The following NRXN1 variants were observed in gnomAD, a reference collection of about 807,000 sequenced individuals.
The protein encoded by NRXN1 is neurexin 1, also known as neurexin-1.
NRXN1 carries 39 observed loss-of-function variants against 150.9 expected under a neutral mutation model. The observed-to-expected ratio is 0.26, with a 90% CI of 0.20 to 0.34. The LOEUF is 0.34. Ranked by LOEUF, NRXN1 falls within the 10% of genes least tolerant of loss-of-function variation. The probability of loss-of-function intolerance (pLI) is 1.00; values close to 1 mark genes in which losing one functional copy is unlikely to be tolerated. For missense variants in NRXN1, 1,815 were observed against 1,949.9 expected, an observed-to-expected ratio of 0.93 and a Z score of 1.30; for synonymous variants, 924 against 757.0, an observed-to-expected ratio of 1.22 and a Z score of -3.62.
intron 22 of NRXN1, among the ~76,000 whole-genome samples, chr2:49,933,627 A>T (rs1015063711): frequency 0.011 from 2 of 174 alleles, no homozygotes; most frequent in Non-Finnish European, 0.025. Context: ...CCTTTATCAG[A>T]AACCATGATA....
At chr2:50,833,068 A>T (rs1671639032) in intron 5 of NRXN1, among the ~76,000 whole-genome samples, 1 of 152,224 alleles carries the variant, frequency 6.6e-6, no homozygotes, top group Admixed American at 6.5e-5. Flanking sequence ...CAGGAAAAAA[A>T]GTTTAGCATT....
At chr2:49,978,791 T>C (rs1679466993) in intron 21 of NRXN1, among the ~76,000 whole-genome samples, 1 of 151,696 alleles carries the variant, frequency 6.6e-6, no homozygotes, top group Non-Finnish European at 1.5e-5. Flanking sequence ...AAACTACATG[T>C]CACAATTCTC....
intron 2 of NRXN1, among the ~76,000 whole-genome samples, chr2:51,014,744 G>A (rs1192708201): frequency 1.3e-5 from 2 of 151,928 alleles, no homozygotes; most frequent in African/African-American, 4.8e-5. Context: ...AAATCTTTCT[G>A]GGCCTTAATT....
chr2:50,067,840 A>G (rs1211263911), intron 19 of NRXN1, among the ~76,000 whole-genome samples: 1 of 152,240 alleles, frequency 6.6e-6, no homozygotes, highest in South Asian at 2.1e-4. Flanking sequence ...ATTTAAACCT[A>G]TCCGCTCTAA....
chr2:50,678,437 A>G (rs2216788), intron 5 of NRXN1, among the ~76,000 whole-genome samples: 145,902 of 152,280 alleles, frequency 0.96, 69,969 homozygotes, highest in East Asian at 1. Flanking sequence ...AATGGAAAGT[A>G]CAAAAGTTAT....
chr2:50,555,865 A>G (rs1573531431), intron 8 of NRXN1, among the ~76,000 whole-genome samples: 1 of 152,182 alleles, frequency 6.6e-6, no homozygotes, highest in South Asian at 2.1e-4. Flanking sequence ...GGGAAATTTC[A>G]TCTTCACACA....
chr2:50,450,316 G>T (rs1389548743), intron 17 of NRXN1, among the ~76,000 whole-genome samples: 2 of 151,854 alleles, frequency 1.3e-5, no homozygotes, highest in Non-Finnish European at 2.9e-5. Context: ...CACACAATGA[G>T]CACTTAAATT....
intron 5 of NRXN1, among the ~76,000 whole-genome samples, chr2:50,913,690 T>C (rs1684835383): frequency 1.3e-5 from 2 of 151,866 alleles, no homozygotes; most frequent in South Asian, 4.1e-4. Context: ...GAATAATTAA[T>C]AGAGAGTACT....
chr2:50,923,768 CTTTA>C (rs1462460321), intron 3 of NRXN1, among the ~76,000 whole-genome samples: 3 of 151,652 alleles, frequency 2.0e-5, no homozygotes, highest in Non-Finnish European at 4.4e-5. Context: ...ATATTTGAAA[CTTTA>C]TTTGAGCTAT....
intron 5 of NRXN1, among the ~76,000 whole-genome samples, chr2:50,654,825 C>T (rs942940688): frequency 1.1e-4 from 16 of 152,108 alleles, no homozygotes; most frequent in Non-Finnish European, 1.9e-4. Flanking sequence ...GCATAAATGT[C>T]TTCTTTTGAG....
chr2:50,978,642 G>T (rs1471495465), intron 2 of NRXN1, among the ~76,000 whole-genome samples: 1 of 151,916 alleles, frequency 6.6e-6, no homozygotes, highest in Admixed American at 6.6e-5. Flanking sequence ...ATGAAAGTTT[G>T]TTGCATTAAT....
chr2:51,031,116 G>A (rs1671476462), intron 1 of NRXN1, among the ~76,000 whole-genome samples: 1 of 151,856 alleles, frequency 6.6e-6, no homozygotes, highest in South Asian at 2.1e-4. Flanking sequence ...GTTCTTGGAG[G>A]AAGCTCATTG....
At chr2:51,000,418 C>T (rs564401605) in intron 2 of NRXN1, among the ~76,000 whole-genome samples, 12 of 152,030 alleles carry the variant, frequency 7.9e-5, no homozygotes, top group Non-Finnish European at 1.6e-4. Flanking sequence ...TTCCACTATA[C>T]AAGGCTCTAT....
At chr2:50,926,440 C>T (rs1686901298) in intron 2 of NRXN1, among the ~76,000 whole-genome samples, 1 of 151,880 alleles carries the variant, frequency 6.6e-6, no homozygotes, top group South Asian at 2.1e-4. Flanking sequence ...GCCATTACTG[C>T]CTTTTAGTAT....
intron 5 of NRXN1, among the ~76,000 whole-genome samples, chr2:50,884,079 C>T (rs1010893879): frequency 2.0e-5 from 3 of 151,580 alleles, no homozygotes; most frequent in Non-Finnish European, 3.0e-5. Context: ...ATATAAAGCA[C>T]AAAAAAATGT....
intron 5 of NRXN1, among the ~76,000 whole-genome samples, chr2:50,688,368 A>G (rs1330174159): frequency 6.6e-6 from 1 of 152,174 alleles, no homozygotes; most frequent in Non-Finnish European, 1.5e-5. Flanking sequence ...TTCATGGCCT[A>G]GCAACAAATA....
chr2:50,271,580 G>C (rs927039349), intron 17 of NRXN1, among the ~76,000 whole-genome samples: 1 of 152,136 alleles, frequency 6.6e-6, no homozygotes, highest in Non-Finnish European at 1.5e-5. Flanking sequence ...AACCCAATGA[G>C]AGCAAGTGAC....
At chr2:50,060,788 C>T (rs1296335912) in intron 19 of NRXN1, among the ~76,000 whole-genome samples, 1 of 152,178 alleles carries the variant, frequency 6.6e-6, no homozygotes, top group Non-Finnish European at 1.5e-5. Flanking sequence ...TAAGACATGC[C>T]TTTGCTCCTC....
At chr2:50,464,456 A>G (rs1175057881) in intron 17 of NRXN1, 1 of 151,944 alleles carries the variant, frequency 6.6e-6, no homozygotes, top group Admixed American at 6.6e-5. Flanking sequence ...TGCGATGCAC[A>G]TATCTGTTGA....
Sources: allele counts gnomAD v4.1 joint callset (sites outside exome capture counted in the v4.1 genomes callset), GRCh38; gene constraint gnomAD v4.1.1; transcripts MANE v1.5; gene names NCBI Gene and HGNC (gene_info 2026-07-23, HGNC 2026-07-21).